Variants in RHO observed in about 807,000 individuals in gnomAD.
RHO encodes rhodopsin, also known as opsin 2, rod pigment.
In RHO, 21 loss-of-function variants were observed where a neutral mutation model predicts 31.2. The ratio of observed to expected loss-of-function variants is 0.67; its 90% CI spans 0.48 to 0.97. RHO has a LOEUF of 0.97. Ranked by LOEUF, RHO falls within the 50% of genes least tolerant of loss-of-function variation. The probability of loss-of-function intolerance (pLI) is 0.00; values close to 1 mark genes in which losing one functional copy is unlikely to be tolerated. For missense variants in RHO, 414 were observed against 479.5 expected (o/e 0.86, Z 1.28); for synonymous variants, 211 against 196.6 (o/e 1.07, Z -0.61).
rs143735182 is a variant in RHO, at chr3:129,529,032, A to G, written c.299A>G (p.His100Arg). The G allele has an allele frequency of 2.1e-5, 34 of 1,613,728 alleles. No individual in the cohort carries two copies. The African/African-American group carries it at 3.6e-4, about 17-fold the overall frequency. Residue 100 changes from histidine to arginine, a missense_variant, in exon 1 of 5, where the codon CAT (histidine) becomes CGT (arginine). Coordinates refer to ENST00000296271, the MANE Select transcript of RHO (RefSeq NM_000539.3). ...GFTSTLYTSLHGYFVFGPTGC... is the reference protein window; with the variant it reads ...GFTSTLYTSLRGYFVFGPTGC... The stretch of plus-strand genomic sequence containing the variant: ...ACCAGCACCCTCTACACCTCTCTGC[A>G]TGGATACTTCGTCTTCGGGCCCACA...
chr3:129,534,926 G>C lies in RHO; in HGVS notation c.*1208G>C, dbSNP rs3733149. The C allele has an allele frequency of 6.6e-6, 1 of 152,580 alleles. No homozygotes were observed. Among genetic ancestry groups the C allele is most frequent in the African/African-American group, 2.4e-5 (1 of 41,434 alleles). 9.5% of individuals were successfully genotyped at this position (152,580 alleles called of 1,614,324 possible). A position where few individuals can be genotyped will look rare whatever the true frequency, so the allele number is the denominator to read the frequency against. ...CCTACCTTCCTTGGGGATGTTCATG[G>C]GCCCCAGTTTCCAGTTTCCCTTGCC... On this transcript the variant is annotated 3_prime_UTR_variant, in exon 5 of 5. Coordinates refer to ENST00000296271, the MANE Select transcript of RHO (RefSeq NM_000539.3).
At chr3:129,530,640 G>A (rs1490601539) in intron 1 of RHO, among the ~76,000 whole-genome samples, 3 of 151,686 alleles carry the variant, frequency 2.0e-5, no homozygotes, top group African/African-American at 7.3e-5. Context: ...GGCCCAGAGC[G>A]CTAAGCAAAT....
At chr3:129,529,999 G>T (rs916832235) in intron 1 of RHO, among the ~76,000 whole-genome samples, 1 of 152,152 alleles carries the variant, frequency 6.6e-6, no homozygotes, top group Non-Finnish European at 1.5e-5. Flanking sequence ...AGAGCTTACC[G>T]CCAGCCACAA....
At position 129,532,795 on chromosome 3, in the gene RHO, C is replaced by T; in HGVS notation, c.936+23C>T. On this transcript the variant is annotated intron_variant, in intron 4 of 4. Coordinates refer to ENST00000296271, the MANE Select transcript of RHO (RefSeq NM_000539.3). The surrounding 1 kb of genome is among the most constrained non-coding windows in gnomAD (Gnocchi z 5.5). ...CAGGTGCCTACTGCGGGTGGGAGGG[C>T]CCCAGTGCCCCAGGCCACAGGCGCT... The T allele has an allele frequency of 3.1e-6, 5 of 1,613,166 alleles. No homozygotes were observed. Among genetic ancestry groups the T allele is most frequent in the Non-Finnish European group, 4.2e-6 (5 of 1,180,006 alleles).
In RHO at chr3:129,533,780, C is replaced by CTG; in HGVS notation, c.*62_*63insTG. ...TCCCATCCCCTACACCTTCCCCCAGCCACAGCCATCCCACCAGGAGCAGCG... is the reference window on the plus strand; with the variant it reads ...TCCCATCCCCTACACCTTCCCCCAGCTGCACAGCCATCCCACCAGGAGCAGCG... On this transcript the variant is annotated 3_prime_UTR_variant, in exon 5 of 5. Coordinates refer to ENST00000296271, the MANE Select transcript of RHO (RefSeq NM_000539.3). 9.1e-7 allele frequency: 1 copy of CTG among 1,100,286 alleles called. No individual in the cohort carries two copies. The highest frequency in any genetic ancestry group is 1.4e-6 in the Non-Finnish European group (1 of 713,362). The allele number at this position is 1,100,286 out of a possible 1,614,324, so 68.2% of individuals were successfully genotyped here.
In RHO at chr3:129,532,546, A is replaced by T. The variant is rs774809893; in HGVS notation, c.710A>T (p.Gln237Leu). 8.7e-6 allele frequency: 14 copies of T among 1,614,000 alleles called. No individual in the cohort carries two copies. Among genetic ancestry groups the T allele is most frequent in the Non-Finnish European group, 1.2e-5 (14 of 1,180,038 alleles). ...VFTVKEAAAQ[Q>L]QESATTQKAE... ...CGTGTCCTGCAGGCCGCTGCCCAGC[A>T]GCAGGAGTCAGCCACCACACAGAAG... is the stretch of plus-strand genomic sequence containing the variant. Residue 237 changes from glutamine (Q) to leucine (L), a missense_variant, in exon 4 of 5, where the codon CAG becomes CTG. Transcript: ENST00000296271. This position sits in a 1 kb window ranked among gnomAD's most constrained non-coding sequence, Gnocchi z 5.5.
intron 4 of RHO, 135 bp from the exon 5 acceptor site, chr3:129,533,473 T>C: frequency 1.3e-6 from 1 of 774,734 alleles, no homozygotes; most frequent in Admixed American, 1.7e-5. Context: ...TCCAGGAAGC[T>C]GGATTTGAGT....
intron 1 of RHO, among the ~76,000 whole-genome samples, chr3:129,530,639 C>T (rs767654426): frequency 2.0e-5 from 3 of 151,994 alleles, no homozygotes; most frequent in Non-Finnish European, 4.4e-5. Context: ...GGGCCCAGAG[C>T]GCTAAGCAAA....
In RHO at chr3:129,533,847, T is replaced by A; in HGVS notation, c.*129T>A. ...GAAGTCACATAGGCTCCTTAATTTT[T>A]TTTTTTTTTTTAAGAAATAATTAAT... is the stretch of plus-strand genomic sequence containing the variant. On this transcript the variant is annotated 3_prime_UTR_variant, in exon 5 of 5. Transcript: ENST00000296271. 1 of 649,636 alleles carries A rather than the reference T, an allele frequency of 1.5e-6. No individual in the cohort carries two copies. Among genetic ancestry groups the A allele is most frequent in the South Asian group, 1.7e-5 (1 of 57,734 alleles). The allele number at this position is 649,636 out of a possible 1,614,324, so 40.2% of individuals were successfully genotyped here. A position where few individuals can be genotyped will look rare whatever the true frequency, so the allele number is the denominator to read the frequency against.
chr3:129,533,540 C>T, intron 4 of RHO, 68 bp from the exon 5 acceptor site: 1 of 1,168,022 alleles, frequency 8.6e-7, no homozygotes, highest in Non-Finnish European at 1.3e-6. Context: ...GGGCGAACCT[C>T]ACTAACGTGC....
rs541825239 is a variant in RHO, at chr3:129,529,534, C to G, written c.361+440C>G. Among the ~76,000 whole-genome samples the G allele has an allele frequency of 2.0e-4, 31 of 152,308 alleles. No homozygotes were observed. The South Asian group carries it at 6.2e-3, about 31-fold the overall frequency. ...GGGCACTGAGGGAGAGCTGGGCAAG[C>G]CAGACCCCTCCTCTCTGGGGGCCCA... On this transcript the variant is annotated intron_variant, in intron 1 of 4. Transcript: ENST00000296271.
chr3:129,532,517 G>A lies in RHO; in HGVS notation c.697-16G>A. The A allele has an allele frequency of 6.2e-7, 1 of 1,614,014 alleles. No individual in the cohort carries two copies. Among genetic ancestry groups the A allele is most frequent in the Non-Finnish European group, 8.5e-7 (1 of 1,180,024 alleles). On this transcript the variant is annotated splice_polypyrimidine_tract_variant and intron_variant, in intron 3 of 4. Transcript: ENST00000296271. The surrounding 1 kb of genome is among the most constrained non-coding windows in gnomAD (Gnocchi z 5.5). ...TGGAGGAGCCATGGTCTGGACCCGG[G>A]TCCCGTGTCCTGCAGGCCGCTGCCC...
At chr3:129,531,333 C>T (rs1186809728) in intron 2 of RHO, among the ~76,000 whole-genome samples, 1 of 152,232 alleles carries the variant, frequency 6.6e-6, no homozygotes, top group Non-Finnish European at 1.5e-5. Flanking sequence ...AATTCCAATC[C>T]TCTTTGGTCT....
In RHO at chr3:129,532,271, A is replaced by G. The variant is rs1402468701; in HGVS notation, c.551A>G (p.Gln184Arg). The change falls in exon 3 of 5, where the codon CAG (glutamine) becomes CGG (arginine). Residue 184 changes from glutamine (Q) to arginine (R), a missense_variant. Transcript: ENST00000296271. This position sits in a 1 kb window ranked among gnomAD's most constrained non-coding sequence, Gnocchi z 5.5. ...GWSRYIPEGLQCSCGIDYYTL... is the reference protein window; with the variant it reads ...GWSRYIPEGLRCSCGIDYYTL... ...CTCAGGTACATCCCCGAGGGCCTGC[A>G]GTGCTCGTGTGGAATCGACTACTAC... 6.2e-7 allele frequency: 1 copy of G among 1,614,036 alleles called. No homozygotes were observed. Among genetic ancestry groups the G allele is most frequent in the Non-Finnish European group, 8.5e-7 (1 of 1,180,014 alleles).
Position 129,533,773 on chromosome 3 carries a change from C to T in RHO, c.*55C>T. 8.4e-7 allele frequency: 1 copy of T among 1,192,916 alleles called. No individual in the cohort carries two copies. Among genetic ancestry groups the T allele is most frequent in the Non-Finnish European group, 1.3e-6 (1 of 797,598 alleles). The allele number at this position is 1,192,916 out of a possible 1,614,324, so 73.9% of individuals were successfully genotyped here. On this transcript the variant is annotated 3_prime_UTR_variant, in exon 5 of 5. Coordinates refer to ENST00000296271, the MANE Select transcript of RHO (RefSeq NM_000539.3). ...AGGCGTCTCCCATCCCCTACACCTT[C>T]CCCCAGCCACAGCCATCCCACCAGG...
chr3:129,531,630 G>A (rs2084780548), intron 2 of RHO, among the ~76,000 whole-genome samples: 2 of 152,124 alleles, frequency 1.3e-5, no homozygotes, highest in South Asian at 4.1e-4. Context: ...CTTACCCCTT[G>A]CTGAATTTGA....
At chr3:129,531,485 G>C (rs968685580) in intron 2 of RHO, among the ~76,000 whole-genome samples, 1 of 152,230 alleles carries the variant, frequency 6.6e-6, no homozygotes, top group Non-Finnish European at 1.5e-5. Flanking sequence ...ATGGGGCTGA[G>C]ATGAGACACA....
rs60120581 is a variant in RHO at position 129,530,533 on chromosome 3, A to AACACACACACACACACACACACAC, written c.362-331_362-308dup. Among the ~76,000 whole-genome samples the AACACACACACACACACACACACAC allele has an allele frequency of 2.2e-3, 271 of 122,898 alleles. 7 individuals are homozygous for AACACACACACACACACACACACAC. The East Asian group carries it at 0.031, about 14-fold the overall frequency. 80.6% of individuals were successfully genotyped at this position (122,898 alleles called of 152,430 possible). On this transcript the variant is annotated intron_variant, in intron 1 of 4. Transcript: ENST00000296271. ...CACACACACACACACACACACACAC[A>AACACACACACACACACACACACAC]ACACACACACACACACACACACACA...
chr3:129,533,809 G>A lies in RHO; in HGVS notation c.*91G>A. ...AGCCATCCCACCAGGAGCAGCGCCT[G>A]TGCAGAATGAACGAAGTCACATAGG... On this transcript the variant is annotated 3_prime_UTR_variant, in exon 5 of 5. Transcript: ENST00000296271. 3.3e-6 allele frequency: 3 copies of A among 912,002 alleles called. No homozygotes were observed. Among genetic ancestry groups the A allele is most frequent in the South Asian group, 1.3e-5 (1 of 76,468 alleles). The allele number at this position is 912,002 out of a possible 1,614,324, so 56.5% of individuals were successfully genotyped here.
Sources: allele counts gnomAD v4.1 joint callset (sites outside exome capture counted in the v4.1 genomes callset), GRCh38; gene constraint gnomAD v4.1.1; non-coding constraint Gnocchi (gnomAD v3.1); transcripts MANE v1.5; gene names NCBI Gene and HGNC (gene_info 2026-07-23, HGNC 2026-07-21).